Variants in EXOC2 observed in about 807,000 individuals in gnomAD.
EXOC2 encodes the protein exocyst complex component 2.
In EXOC2, 70 loss-of-function variants were observed where a neutral mutation model predicts 131.8. The ratio of observed to expected loss-of-function variants is 0.53; its 90% CI spans 0.44 to 0.65. EXOC2 has a LOEUF of 0.65. EXOC2 is among the 30% of genes least tolerant of loss of function. The probability of loss-of-function intolerance (pLI) is 0.00; values close to 1 mark genes in which losing one functional copy is unlikely to be tolerated. For missense variants in EXOC2, 923 were observed against 1,108.6 expected (o/e 0.83, Z 2.38); for synonymous variants, 411 against 398.4 (o/e 1.03, Z -0.38).
At chr6:640,192 C>A (rs1762291023) in intron 1 of EXOC2, among the ~76,000 whole-genome samples, 1 of 152,154 alleles carries the variant, frequency 6.6e-6, no homozygotes, top group African/African-American at 2.4e-5. Context: ...CAAATGTGTT[C>A]TTCTTTGGTT....
chr6:573,433 C>T (rs1294437503), intron 12 of EXOC2, among the ~76,000 whole-genome samples: 1 of 152,146 alleles, frequency 6.6e-6, no homozygotes, highest in Non-Finnish European at 1.5e-5. Flanking sequence ...CACTCGGTGG[C>T]CATGGCAGGG....
In EXOC2 at chr6:642,800, ACAGT is replaced by A. The variant is rs377459417; in HGVS notation, c.-43-4943_-43-4940del. On this transcript the variant is annotated intron_variant, in intron 1 of 27. Transcript: ENST00000230449. ...CAGTAGGTAGAAGATATTTGAAGAA[ACAGT>A]CAGTGAACATGATTATAGATCAATA... Among the ~76,000 whole-genome samples, 34 of 152,330 alleles carry A rather than the reference ACAGT, an allele frequency of 2.2e-4. 1 individual carries two copies. The highest frequency in any genetic ancestry group is 4.4e-4 in the Non-Finnish European group (30 of 68,024).
At chr6:660,579 G>C (rs1156909811) in intron 1 of EXOC2, among the ~76,000 whole-genome samples, 1 of 152,198 alleles carries the variant, frequency 6.6e-6, no homozygotes, top group Non-Finnish European at 1.5e-5. Context: ...CTCACAGGAA[G>C]CCACATCCAC....
intron 1 of EXOC2, among the ~76,000 whole-genome samples, chr6:642,414 G>T (rs949384535): frequency 2.0e-5 from 3 of 152,174 alleles, no homozygotes; most frequent in Non-Finnish European, 4.4e-5. Context: ...AGAGCTGCTT[G>T]CTTGGTGTGT....
chr6:569,297 G>A lies in EXOC2; in HGVS notation c.1443+3223C>T, dbSNP rs572558487. On this transcript the variant is annotated intron_variant, in intron 13 of 27. Coordinates refer to ENST00000230449, the MANE Select transcript of EXOC2 (RefSeq NM_018303.6). ...GAAACCTTAACTCTTTCCTGCACAC[G>A]CAGACCAAAACTGCTTTGTGGTGAG... Among the ~76,000 whole-genome samples the A allele has an allele frequency of 3.3e-5, 5 of 152,182 alleles. No homozygotes were observed. In the South Asian group the frequency reaches 6.2e-4, roughly 19 times the overall value.
chr6:641,535 C>A (rs567134589), intron 1 of EXOC2, among the ~76,000 whole-genome samples: 3 of 152,172 alleles, frequency 2.0e-5, no homozygotes, highest in Admixed American at 1.3e-4. Context: ...TAGGTTCAGT[C>A]CAACACGACT....
At chr6:659,617 T>G (rs907273117) in intron 1 of EXOC2, among the ~76,000 whole-genome samples, 2 of 152,170 alleles carry the variant, frequency 1.3e-5, no homozygotes, top group East Asian at 3.8e-4. Context: ...GAAGGTCTGT[T>G]TGCGGGAGAA....
At chr6:596,895 T>C (rs944639341) in intron 10 of EXOC2, among the ~76,000 whole-genome samples, 1 of 152,264 alleles carries the variant, frequency 6.6e-6, no homozygotes, top group Admixed American at 6.5e-5. Context: ...AAAATTTATA[T>C]GCTTTATCTC....
intron 7 of EXOC2, among the ~76,000 whole-genome samples, chr6:607,320 C>T (rs1737554): frequency 0.089 from 13,610 of 152,276 alleles, 1,040 homozygotes; most frequent in African/African-American, 0.21. Context: ...TTACTACTTA[C>T]ATAACCTTAC....
At chr6:627,259 A>G (rs1348576402) in intron 4 of EXOC2, among the ~76,000 whole-genome samples, 4 of 151,724 alleles carry the variant, frequency 2.6e-5, no homozygotes, top group East Asian at 1.9e-4. Context: ...AAAAAAAAAA[A>G]AAAAAGAAGC....
intron 4 of EXOC2, among the ~76,000 whole-genome samples, chr6:627,876 C>T (rs1216152263): frequency 6.6e-6 from 1 of 152,182 alleles, no homozygotes; most frequent in African/African-American, 2.4e-5. Flanking sequence ...ACAATCTGTA[C>T]AGTAACATCA....
chr6:583,134 A>C (rs375090998), intron 11 of EXOC2, among the ~76,000 whole-genome samples: 16 of 152,358 alleles, frequency 1.1e-4, no homozygotes, highest in East Asian at 9.6e-4. Context: ...ATATAGATTT[A>C]CATGCAGAAA....
At chr6:501,671 A>T (rs1764207168) in intron 23 of EXOC2, among the ~76,000 whole-genome samples, 2 of 117,010 alleles carry the variant, frequency 1.7e-5, no homozygotes, top group African/African-American at 6.5e-5. Context: ...CTATCTATAA[A>T]AGATATATAT....
At chr6:688,106 C>T (rs992299006) in intron 1 of EXOC2, among the ~76,000 whole-genome samples, 5 of 152,174 alleles carry the variant, frequency 3.3e-5, no homozygotes, top group African/African-American at 4.8e-5. Flanking sequence ...GAAGCCCCTG[C>T]GATTCTCCAC....
At chr6:513,282 GC>G (rs1489825672) in intron 23 of EXOC2, among the ~76,000 whole-genome samples, 3 of 152,238 alleles carry the variant, frequency 2.0e-5, no homozygotes, top group African/African-American at 7.2e-5. Context: ...GTGCAGTGCG[GC>G]TGCACACGGC....
intron 22 of EXOC2, among the ~76,000 whole-genome samples, chr6:545,140 C>T (rs1040602549): frequency 8.6e-5 from 9 of 104,250 alleles, no homozygotes; most frequent in Middle Eastern, 8.8e-3. Flanking sequence ...GGCGACAGAG[C>T]GAGACTCCGT....
intron 23 of EXOC2, among the ~76,000 whole-genome samples, chr6:522,503 G>T (rs1321716121): frequency 6.6e-6 from 1 of 150,534 alleles, no homozygotes; most frequent in African/African-American, 2.5e-5. Context: ...GCGCTGAACT[G>T]GGCTGGGCTC....
intron 25 of EXOC2, among the ~76,000 whole-genome samples, chr6:493,863 G>A (rs1285104778): frequency 7.9e-5 from 12 of 152,174 alleles, no homozygotes; most frequent in Admixed American, 6.5e-4. Context: ...ACATGTGTAC[G>A]TGAAAAAATT....
intron 1 of EXOC2, among the ~76,000 whole-genome samples, chr6:673,882 C>T (rs186340920): frequency 2.8e-4 from 43 of 152,204 alleles, no homozygotes; most frequent in Admixed American, 2.7e-3. Context: ...GAGACACTTG[C>T]TTAATACAGG....
Sources: gnomAD v4.1 joint callset for allele counts (sites outside exome capture counted in the v4.1 genomes callset) on GRCh38, gnomAD v4.1.1 for gene constraint, MANE v1.5 for transcripts, NCBI Gene and HGNC (gene_info 2026-07-23, HGNC 2026-07-21) for gene names.